ABLIM3: variants seen among roughly 807,000 people sequenced by gnomAD.
ABLIM3 encodes actin binding LIM protein family member 3, also known as actin-binding LIM protein 3.
A neutral mutation model predicts 109.5 loss-of-function variants in ABLIM3; 61 were observed. That is an observed-to-expected ratio of 0.56 (90% CI 0.45 to 0.69). The LOEUF (loss-of-function observed/expected upper bound fraction) is 0.69. Ranked by LOEUF, ABLIM3 falls within the 30% of genes least tolerant of loss-of-function variation. ABLIM3 has a pLI of 0.00. For synonymous variants in ABLIM3, 300 were observed against 324.8 expected, an observed-to-expected ratio of 0.92 and a Z score of 0.82; for missense variants, 796 against 889.5, an observed-to-expected ratio of 0.89 and a Z score of 1.34.
intron 2 of ABLIM3, among the ~76,000 whole-genome samples, chr5:149,166,589 G>A (rs1281993994): frequency 6.6e-6 from 1 of 152,210 alleles, no homozygotes; most frequent in Non-Finnish European, 1.5e-5. Flanking sequence ...CCTGATGGAA[G>A]TATGTTCTTT....
intron 2 of ABLIM3, among the ~76,000 whole-genome samples, chr5:149,154,699 A>G (rs1228191038): frequency 6.6e-6 from 1 of 152,164 alleles, no homozygotes; most frequent in East Asian, 1.9e-4. Flanking sequence ...TATTTTGTTC[A>G]TTAGCTCATT....
chr5:149,255,213 C>A (rs907258757), intron 23 of ABLIM3, among the ~76,000 whole-genome samples: 7 of 152,208 alleles, frequency 4.6e-5, no homozygotes, highest in Non-Finnish European at 8.8e-5. Context: ...CTCTCTTCCA[C>A]CATCACAAGC....
chr5:149,192,847 A>G (rs1581095636), intron 3 of ABLIM3, among the ~76,000 whole-genome samples: 1 of 145,186 alleles, frequency 6.9e-6, no homozygotes, highest in African/African-American at 2.9e-5. Context: ...ATCAGACCTG[A>G]ATTTCAAGTC....
intron 7 of ABLIM3, chr5:149,216,543 C>G (rs1016236171): frequency 6.3e-6 from 1 of 158,990 alleles, no homozygotes; most frequent in Non-Finnish European, 1.4e-5. Context: ...TTCCATTGGT[C>G]CAATGTTATT....
chr5:149,177,067 C>G (rs1756001979), intron 2 of ABLIM3: 1 of 152,228 alleles, frequency 6.6e-6, no homozygotes, highest in Non-Finnish European at 1.5e-5. Flanking sequence ...ATTCAGCCAT[C>G]TTTTTCTTTA....
chr5:149,175,712 G>T (rs147260742), intron 2 of ABLIM3, among the ~76,000 whole-genome samples: 1 of 152,282 alleles, frequency 6.6e-6, no homozygotes, highest in East Asian at 1.9e-4. Context: ...GCGATGTTAT[G>T]GGCTGCCATT....
At chr5:149,223,642 G>C (rs977819484) in intron 8 of ABLIM3, among the ~76,000 whole-genome samples, 4 of 152,170 alleles carry the variant, frequency 2.6e-5, no homozygotes, top group Admixed American at 6.5e-5. Context: ...CAGACTGGCT[G>C]TCTCCATGCA....
chr5:149,207,017 G>C lies in ABLIM3; in HGVS notation c.458G>C (p.Gly153Ala). Residue 153 changes from glycine (G) to alanine (A), a missense_variant, in exon 6 of 24, where the codon GGG (glycine) becomes GCG (alanine). By Grantham distance (60) the Gly-to-Ala change is moderately conservative. Coordinates refer to ENST00000309868, the MANE Select transcript of ABLIM3 (RefSeq NM_014945.5). The part of the protein sequence containing the change: ...IKIRGPSHCA[G>A]CKEEIKHGQS... ...TCCTCTTGTCTTGCAGACTGTGCCG[G>C]GTGCAAGGAGGAGATCAAGCACGGC... 1 of 1,613,682 alleles carries C rather than the reference G, an allele frequency of 6.2e-7. No homozygotes were observed.
intron 16 of ABLIM3, among the ~76,000 whole-genome samples, chr5:149,246,004 T>A (rs938167826): frequency 2.0e-5 from 3 of 151,976 alleles, no homozygotes; most frequent in African/African-American, 4.8e-5. Context: ...TACAAAAAAA[T>A]TTTTAAAAAT....
chr5:149,174,021 C>CA (rs57000637), intron 2 of ABLIM3, among the ~76,000 whole-genome samples: 7,305 of 39,176 alleles, frequency 0.19, 727 homozygotes, highest in African/African-American at 0.28. Context: ...GACTCCGTCT[C>CA]AAAAAAAAAA....
At chr5:149,185,836 G>A (rs1230305149) in intron 3 of ABLIM3, among the ~76,000 whole-genome samples, 3 of 152,098 alleles carry the variant, frequency 2.0e-5, no homozygotes, top group Admixed American at 2.0e-4. Context: ...AGGAATCTAC[G>A]AAGGCTAAAA....
At chr5:149,214,115 A>G (rs1759823240) in intron 7 of ABLIM3, among the ~76,000 whole-genome samples, 1 of 152,220 alleles carries the variant, frequency 6.6e-6, no homozygotes. Context: ...TAAGCAAGAT[A>G]TGTCCTCTTA....
chr5:149,234,951 G>T (rs1762203165), intron 10 of ABLIM3, among the ~76,000 whole-genome samples: 1 of 152,212 alleles, frequency 6.6e-6, no homozygotes, highest in African/African-American at 2.4e-5. Flanking sequence ...GTTCACCGTG[G>T]AGTCCTGGAG....
chr5:149,246,998 A>T (rs545771757), intron 17 of ABLIM3, among the ~76,000 whole-genome samples: 97 of 152,368 alleles, frequency 6.4e-4, no homozygotes, highest in Non-Finnish European at 1.1e-3. Flanking sequence ...ATACATATAT[A>T]CTCATATCCG....
intron 7 of ABLIM3, chr5:149,216,748 T>G (rs1341822348): frequency 1.8e-6 from 1 of 559,698 alleles, no homozygotes; most frequent in Non-Finnish European, 3.2e-6. Flanking sequence ...GGAAGTCCCC[T>G]GAACTGCCAT....
chr5:149,178,597 C>T (rs1756179314), intron 2 of ABLIM3, among the ~76,000 whole-genome samples: 1 of 152,190 alleles, frequency 6.6e-6, no homozygotes, highest in Non-Finnish European at 1.5e-5. Flanking sequence ...TTTTTATCTA[C>T]AAGGTCAAGC....
At chr5:149,183,691 A>G (rs1756679779) in intron 3 of ABLIM3, 102 bp downstream of exon 3, 1 of 1,320,124 alleles carries the variant, frequency 7.6e-7, no homozygotes, top group Non-Finnish European at 9.9e-7. Flanking sequence ...GGTGGCTGGA[A>G]TATCTATAAA....
chr5:149,174,593 G>C (rs1219403160), intron 2 of ABLIM3: 2 of 152,212 alleles, frequency 1.3e-5, no homozygotes, highest in East Asian at 3.8e-4. Context: ...AGATAAGCTG[G>C]AGAGATGCTG....
At chr5:149,254,340 C>A (rs1422229961) in intron 23 of ABLIM3, among the ~76,000 whole-genome samples, 1 of 152,180 alleles carries the variant, frequency 6.6e-6, no homozygotes, top group African/African-American at 2.4e-5. Context: ...ACATCAAGCA[C>A]CTTTCACTCT....
Sources: allele counts gnomAD v4.1 joint callset (sites outside exome capture counted in the v4.1 genomes callset), GRCh38; gene constraint gnomAD v4.1.1; transcripts MANE v1.5; gene names NCBI Gene and HGNC (gene_info 2026-07-23, HGNC 2026-07-21).